The following GOLGA8A variants were observed in gnomAD, a reference collection of about 807,000 sequenced individuals.
GOLGA8A encodes golgin A8 family member A.
In GOLGA8A, 3 loss-of-function variants were observed where a neutral mutation model predicts 22.1. That is an observed-to-expected ratio of 0.14 (90% CI 0.06 to 0.35). The LOEUF is 0.35. Among genes scored for constraint, GOLGA8A ranks in the 10% least tolerant of loss-of-function variants. GOLGA8A has a pLI of 1.00. For missense variants in GOLGA8A, 16 were observed against 233.2 expected, an observed-to-expected ratio of 0.07 and a Z score of 6.07; for synonymous variants, 7 against 91.7, an observed-to-expected ratio of 0.08 and a Z score of 5.28.
intron 5 of GOLGA8A, among the ~76,000 whole-genome samples, chr15:34,404,193 TAA>T (rs1290145372): frequency 1.1e-3 from 54 of 50,636 alleles, no homozygotes; most frequent in African/African-American, 4.2e-3. Flanking sequence ...CCACTTCACA[TAA>T]AAGAGATGTT....
chr15:34,432,186 C>G (rs1442698421), intron 2 of GOLGA8A, among the ~76,000 whole-genome samples: 1 of 149,228 alleles, frequency 6.7e-6, no homozygotes, highest in Non-Finnish European at 1.5e-5. Flanking sequence ...GGCTAGCTCC[C>G]AGACCCTTTT....
At chr15:34,436,578 A>T (rs1163696217) in intron 1 of GOLGA8A, among the ~76,000 whole-genome samples, 1 of 150,120 alleles carries the variant, frequency 6.7e-6, no homozygotes, top group African/African-American at 2.5e-5. Flanking sequence ...GCTGCAGGAC[A>T]GGCCCCTCCG....
intron 1 of GOLGA8A, among the ~76,000 whole-genome samples, chr15:34,436,984 G>A (rs1368858917): frequency 6.7e-6 from 1 of 149,496 alleles, no homozygotes; most frequent in Non-Finnish European, 1.5e-5. Context: ...CCCGGCACGG[G>A]GACTTGATGC....
chr15:34,387,020 T>TCCC (rs1891773529), intron 11 of GOLGA8A: 2 of 1,353,660 alleles, frequency 1.5e-6, no homozygotes, highest in Admixed American at 4.6e-5. Flanking sequence ...CTTCCTTTCT[T>TCCC]CCCCATCAAC....
rs144495280 is a variant in GOLGA8A at position 34,435,277 on chromosome 15, A to G, written c.-1123+106T>C. ...AGCCCAGCCTGATGCCAATCTCACC[A>G]TCAACTGTTTTTCCTCTGACTTCCT... is the stretch of plus-strand genomic sequence containing the variant. On this transcript the variant is annotated intron_variant, in intron 2 of 24. Coordinates refer to ENST00000359187, the MANE Select transcript of GOLGA8A (RefSeq NM_181077.5). 5.3e-5 allele frequency: 8 copies of G among 149,578 alleles called. 1 individual carries two copies. Among genetic ancestry groups the G allele is most frequent in the African/African-American group, 2.0e-4 (8 of 40,572 alleles). 9.3% of individuals were successfully genotyped at this position (149,578 alleles called of 1,614,324 possible).
In GOLGA8A at chr15:34,379,735, T is replaced by C. The variant is rs923457906; in HGVS notation, c.*1676A>G. The C allele has an allele frequency of 2.0e-5, 3 of 152,658 alleles. No homozygotes were observed. The highest frequency in any genetic ancestry group is 4.4e-5 in the Non-Finnish European group (3 of 68,044). 9.5% of individuals were successfully genotyped at this position (152,658 alleles called of 1,614,324 possible). A position where few individuals can be genotyped will look rare whatever the true frequency, so the allele number is the denominator to read the frequency against. On this transcript the variant is annotated 3_prime_UTR_variant, in exon 25 of 25. Transcript: ENST00000359187. ...ATCTCCCTACAACCTAATAATGTGA[T>C]GTGTTTTGGAACACAGACATTAGAA... is the stretch of plus-strand genomic sequence containing the variant.
chr15:34,432,176 G>C (rs1249754910), intron 2 of GOLGA8A, among the ~76,000 whole-genome samples: 4 of 149,048 alleles, frequency 2.7e-5, no homozygotes, highest in Non-Finnish European at 6.0e-5. Flanking sequence ...CTTCCTGGAG[G>C]GCTAGCTCCC....
chr15:34,380,925 C>T lies in GOLGA8A; in HGVS notation c.*486G>A. The T allele has an allele frequency of 3.3e-6, 1 of 301,612 alleles. No homozygotes were observed. Among genetic ancestry groups the T allele is most frequent in the South Asian group, 3.0e-5 (1 of 33,270 alleles). The allele number at this position is 301,612 out of a possible 1,614,324, so 18.7% of individuals were successfully genotyped here. On this transcript the variant is annotated 3_prime_UTR_variant, in exon 25 of 25. Coordinates refer to ENST00000359187, the MANE Select transcript of GOLGA8A (RefSeq NM_181077.5). ...ATTACAAAGTAATAAACAGTGCACA[C>T]TTGAGGGCAAACCGCATATTGAGCT...
chr15:34,425,577 A>T (rs1892952290), intron 2 of GOLGA8A, among the ~76,000 whole-genome samples: 1 of 145,138 alleles, frequency 6.9e-6, no homozygotes, highest in Non-Finnish European at 1.5e-5. Flanking sequence ...TAATTAAAGC[A>T]AGCTTGATAG....
At chr15:34,435,954 C>T (rs116148974) in intron 1 of GOLGA8A, among the ~76,000 whole-genome samples, 4 of 149,204 alleles carry the variant, frequency 2.7e-5, no homozygotes, top group Non-Finnish European at 6.0e-5. Context: ...CCTCCTGCCC[C>T]GCGGATCCTA....
At chr15:34,426,886 GC>G (rs1893006105) in intron 2 of GOLGA8A, among the ~76,000 whole-genome samples, 1 of 143,814 alleles carries the variant, frequency 7.0e-6, no homozygotes, top group African/African-American at 2.5e-5. Context: ...ATCTCAAAAC[GC>G]AAAACAAAAA....
rs1893457693 is a variant in GOLGA8A at position 34,435,410 on chromosome 15, C to G, written c.-1150G>C. 6.7e-6 allele frequency: 1 copy of G among 149,594 alleles called. No homozygotes were observed. The highest frequency in any genetic ancestry group is 2.5e-5 in the African/African-American group (1 of 40,520). The allele number at this position is 149,594 out of a possible 1,614,324, so 9.3% of individuals were successfully genotyped here. On this transcript the variant is annotated 5_prime_UTR_variant, in exon 2 of 25. Coordinates refer to ENST00000359187, the MANE Select transcript of GOLGA8A (RefSeq NM_181077.5). ...TTTACTTTTATCCAGCATTTCTTAG[C>G]TCGGTTGGCAAACTGGATATTTATG... is the stretch of plus-strand genomic sequence containing the variant.
intron 2 of GOLGA8A, among the ~76,000 whole-genome samples, chr15:34,425,685 T>C (rs1237198123): frequency 6.9e-6 from 1 of 145,190 alleles, no homozygotes; most frequent in African/African-American, 2.5e-5. Context: ...ATCCGCAATA[T>C]ATATAGAAAA....
intron 8 of GOLGA8A, among the ~76,000 whole-genome samples, chr15:34,397,312 T>G (rs1891892123): frequency 1.4e-5 from 2 of 147,254 alleles, no homozygotes; most frequent in South Asian, 2.2e-4. Context: ...AAGTTCTATT[T>G]CATCCATTTT....
At chr15:34,412,528 G>A (rs1332823652) in intron 2 of GOLGA8A, among the ~76,000 whole-genome samples, 2 of 148,576 alleles carry the variant, frequency 1.3e-5, no homozygotes, top group Non-Finnish European at 3.0e-5. Flanking sequence ...TGTGTGTGGC[G>A]GCATCACTCA....
rs1479630599 is a variant in GOLGA8A at position 34,381,221 on chromosome 15, C to G, written c.*190G>C. 4.0e-6 allele frequency: 4 copies of G among 1,011,926 alleles called. No homozygotes were observed. The highest frequency in any genetic ancestry group is 3.2e-5 in the African/African-American group (2 of 62,630). The allele number at this position is 1,011,926 out of a possible 1,614,324, so 62.7% of individuals were successfully genotyped here. On this transcript the variant is annotated 3_prime_UTR_variant, in exon 25 of 25. Coordinates refer to ENST00000359187, the MANE Select transcript of GOLGA8A (RefSeq NM_181077.5). ...TGCTGAAGGATGCCAGAGTGAACATCAGTGAGAGCCACAGAGACCCACTCT... is the reference window on the plus strand; with the variant it reads ...TGCTGAAGGATGCCAGAGTGAACATGAGTGAGAGCCACAGAGACCCACTCT...
intron 2 of GOLGA8A, among the ~76,000 whole-genome samples, chr15:34,428,079 T>A (rs1395813277): frequency 2.1e-5 from 3 of 145,964 alleles, no homozygotes; most frequent in Non-Finnish European, 4.5e-5. Context: ...GAGCTTTCTC[T>A]CCTTCAAATC....
At chr15:34,434,808 C>G (rs1377219900) in intron 2 of GOLGA8A, among the ~76,000 whole-genome samples, 1 of 149,522 alleles carries the variant, frequency 6.7e-6, no homozygotes. Context: ...ACCTGTGCCT[C>G]CACGTCCCCA....
rs144255525 is a variant in GOLGA8A at position 34,427,071 on chromosome 15, G to A, written c.-1123+8312C>T. Among the ~76,000 whole-genome samples the A allele has an allele frequency of 9.1e-3, 1,340 of 147,834 alleles. 110 individuals are homozygous for A. Among genetic ancestry groups the A allele is most frequent in the African/African-American group, 0.032 (1,268 of 40,124 alleles). Reference sequence around the variant, plus strand: ...AGTTAGGCCGGGCACGGTGGCTCACGCCTGTAATTGCAGCACTTTGGGAGG... The same window carrying A: ...AGTTAGGCCGGGCACGGTGGCTCACACCTGTAATTGCAGCACTTTGGGAGG... On this transcript the variant is annotated intron_variant, in intron 2 of 24. Transcript: ENST00000359187.
Sources: allele counts gnomAD v4.1 joint callset (sites outside exome capture counted in the v4.1 genomes callset), GRCh38; gene constraint gnomAD v4.1.1; transcripts MANE v1.5; gene names NCBI Gene and HGNC (gene_info 2026-07-23, HGNC 2026-07-21).